PDE4A: variants seen among roughly 807,000 people sequenced by gnomAD.
PDE4A encodes 3',5'-cyclic-AMP phosphodiesterase 4A.
Under a neutral mutation model 73.9 loss-of-function variants are expected in PDE4A, and 21 were observed. That is an observed-to-expected ratio of 0.28 (90% CI 0.20 to 0.41). The LOEUF is 0.41. Ranked by LOEUF, PDE4A falls within the 10% of genes least tolerant of loss-of-function variation. The pLI, the probability that PDE4A is intolerant of heterozygous loss-of-function variation, is 1.00. For missense variants in PDE4A, 958 were observed against 1,211.4 expected (o/e 0.79, Z 3.10); for synonymous variants, 463 against 505.4 (o/e 0.92, Z 1.13).
chr19:10,449,104 C>T lies in PDE4A; in HGVS notation c.574C>T (p.Arg192Cys), dbSNP rs766408578. 7 of 1,613,682 alleles carry T rather than the reference C, an allele frequency of 4.3e-6. No homozygotes were observed. Among genetic ancestry groups the T allele is most frequent in the Middle Eastern group, 1.6e-4 (1 of 6,062 alleles). ...GGTGCTGGCCAGCCTCCGGAGCGTC[C>T]GTAGCAACTTCTCACTCCTGACCAA... Reference protein sequence around the residue: ...AQVLASLRSVRSNFSLLTNVP... With the variant: ...AQVLASLRSVCSNFSLLTNVP... The change falls in exon 4 of 15, where the codon CGT becomes TGT. Residue 192 changes from arginine to cysteine, a missense_variant. Coordinates refer to ENST00000380702, the MANE Select transcript of PDE4A (RefSeq NM_001111307.2).
intron 1 of PDE4A, among the ~76,000 whole-genome samples, chr19:10,436,486 C>T (rs1239771946): frequency 6.6e-6 from 1 of 151,888 alleles, no homozygotes; most frequent in Non-Finnish European, 1.5e-5. Flanking sequence ...ACCTGAGAGG[C>T]GGAGGTTGCA....
chr19:10,463,487 C>T (rs1421185056), intron 13 of PDE4A, among the ~76,000 whole-genome samples: 8 of 150,756 alleles, frequency 5.3e-5, no homozygotes, highest in Admixed American at 1.3e-4. Flanking sequence ...CGGCAACCTC[C>T]GCCTCCTGGG....
chr19:10,460,475 G>T (rs1202372951), intron 10 of PDE4A, among the ~76,000 whole-genome samples: 2 of 151,210 alleles, frequency 1.3e-5, no homozygotes, highest in Non-Finnish European at 2.9e-5. Context: ...CTCCAGCCTG[G>T]GCAACAAAGT....
chr19:10,460,150 TG>T (rs2043239397), intron 10 of PDE4A, among the ~76,000 whole-genome samples: 1 of 151,470 alleles, frequency 6.6e-6, no homozygotes, highest in East Asian at 2.0e-4. Context: ...CCCAAAGTGC[TG>T]GGAGTAGAGG....
intron 11 of PDE4A, 125 bp from the exon 12 acceptor site, chr19:10,461,401 C>T (rs1212930724): frequency 6.6e-7 from 1 of 1,506,382 alleles, no homozygotes; most frequent in Non-Finnish European, 8.8e-7. Flanking sequence ...TGGGGTAGAG[C>T]TGACTGGGCT....
chr19:10,467,155 A>G lies in PDE4A; in HGVS notation c.2195A>G (p.Glu732Gly), dbSNP rs62638759. Residue 732 changes from glutamate (E) to glycine (G), a missense_variant, in exon 15 of 15, where the codon GAG (glutamate) becomes GGG (glycine). Coordinates refer to ENST00000380702, the MANE Select transcript of PDE4A (RefSeq NM_001111307.2). ...GCCCAGATACCGTGCACAGCCCAAGAGGCATTGACTGCGCAGGGATTGTCA... is the reference window on the plus strand; with the variant it reads ...GCCCAGATACCGTGCACAGCCCAAGGGGCATTGACTGCGCAGGGATTGTCA... The part of the protein sequence containing the change: ...SMAQIPCTAQ[E>G]ALTAQGLSGV... 1.0e-3 allele frequency: 1,641 copies of G among 1,614,156 alleles called. 17 individuals carry two copies. In the African/African-American group the frequency reaches 0.019, roughly 19 times the overall value.
chr19:10,438,327 G>A (rs1483442725), intron 1 of PDE4A, among the ~76,000 whole-genome samples: 1 of 150,972 alleles, frequency 6.6e-6, no homozygotes, highest in Non-Finnish European at 1.5e-5. Flanking sequence ...TGGCCGGGAT[G>A]GTCTCGCTCT....
At chr19:10,426,501 C>T (rs1223344727) in intron 1 of PDE4A, among the ~76,000 whole-genome samples, 1 of 152,052 alleles carries the variant, frequency 6.6e-6, no homozygotes, top group Non-Finnish European at 1.5e-5. Flanking sequence ...CCAGGGATGC[C>T]AAAAGATTGC....
intron 13 of PDE4A, 121 bp downstream of exon 13, chr19:10,462,120 CTTCT>C (rs2043283171): frequency 3.9e-6 from 3 of 767,042 alleles, no homozygotes; most frequent in African/African-American, 1.8e-5. Context: ...TTCCTGTGTC[CTTCT>C]TTCTTTTTTT....
At chr19:10,462,062 G>C (rs1486844151) in intron 13 of PDE4A, 63 bp downstream of exon 13, 2 of 1,389,882 alleles carry the variant, frequency 1.4e-6, no homozygotes, top group Non-Finnish European at 2.0e-6. Context: ...TTTAGGTCTG[G>C]GTAGCTAACT....
At chr19:10,427,684 A>G in intron 1 of PDE4A, 1 of 970,560 alleles carries the variant, frequency 1.0e-6, no homozygotes, top group Non-Finnish European at 1.2e-6. Context: ...ATCTTTCTAG[A>G]TTGGGAGACC....
In PDE4A at chr19:10,458,028, CA is replaced by C; in HGVS notation, c.1028del (p.His343LeufsTer5). 6.2e-7 allele frequency: 1 copy of C among 1,613,906 alleles called. No homozygotes were observed. The highest frequency in any genetic ancestry group is 8.5e-7 in the Non-Finnish European group (1 of 1,180,046). On this transcript the variant is annotated frameshift_variant, in exon 8 of 15. Transcript: ENST00000380702. LOFTEE classifies it high-confidence loss of function. The surrounding 1 kb of genome is among the most constrained non-coding windows in gnomAD (Gnocchi z 4.6). ...SQITGLKKLM[H>X]SNSLNNSNIP... ...AATCACAGGGTTGAAAAAGTTGATG[CA>C]TAGTAACAGCCTGAACAACTCTAAC...
At chr19:10,455,021 A>G (rs572609163) in intron 7 of PDE4A, 99 bp downstream of exon 7, 1 of 1,132,250 alleles carries the variant, frequency 8.8e-7, no homozygotes, top group South Asian at 1.3e-5. Flanking sequence ...CTTCCCAGGG[A>G]CTCTGACTCT....
chr19:10,460,271 G>A (rs1455898818), intron 10 of PDE4A, among the ~76,000 whole-genome samples: 1 of 151,986 alleles, frequency 6.6e-6, no homozygotes, highest in Non-Finnish European at 1.5e-5. Flanking sequence ...GGCCAAGATG[G>A]GTGGATCACC....
At chr19:10,419,118 A>T (rs2569784), upstream of PDE4A, 1 of 961,006 alleles carries the variant, frequency 1.0e-6, no homozygotes, top group African/African-American at 2.0e-5. Flanking sequence ...GGCGGTGGCA[A>T]ACGGCATCGC....
At chr19:10,429,302 G>GAA (rs1271163789) in intron 1 of PDE4A, among the ~76,000 whole-genome samples, 5 of 151,604 alleles carry the variant, frequency 3.3e-5, no homozygotes, top group Non-Finnish European at 5.9e-5. Flanking sequence ...AAGAAAGAAA[G>GAA]AGAGGAAGGA....
At position 10,458,078 on chromosome 19, in the gene PDE4A, C is replaced by A; in HGVS notation, c.1077C>A (p.Thr359=). 6.2e-7 allele frequency: 1 copy of A among 1,613,718 alleles called. No individual in the cohort carries two copies. Among genetic ancestry groups the A allele is most frequent in the African/African-American group, 1.3e-5 (1 of 75,026 alleles). Residue 359 remains threonine (T), a synonymous_variant, in exon 8 of 15, where the codon ACC becomes ACA. Coordinates refer to ENST00000380702, the MANE Select transcript of PDE4A (RefSeq NM_001111307.2). This position sits in a 1 kb window ranked among gnomAD's most constrained non-coding sequence, Gnocchi z 4.6. ...ACATTCCCCGATTTGGGGTGAAGAC[C>A]GATCAAGAAGAGCTCCTGGCCCAAG... ...NSNIPRFGVK[T]DQEELLAQEL...
At chr19:10,443,481 G>A (rs925171800) in intron 1 of PDE4A, among the ~76,000 whole-genome samples, 28 of 150,144 alleles carry the variant, frequency 1.9e-4, no homozygotes, top group Non-Finnish European at 3.5e-4. Context: ...GGAGGTGGAG[G>A]TTGCATTGAG....
At chr19:10,418,967 G>T (rs964498421), upstream of PDE4A, 6 of 985,138 alleles carry the variant, frequency 6.1e-6, no homozygotes, top group African/African-American at 1.0e-4. Flanking sequence ...GCTGCTGATG[G>T]GGGGGCCGGT....
Sources: allele counts gnomAD v4.1 joint callset (sites outside exome capture counted in the v4.1 genomes callset), GRCh38; gene constraint gnomAD v4.1.1; non-coding constraint Gnocchi (gnomAD v3.1); transcripts MANE v1.5; gene names NCBI Gene and HGNC (gene_info 2026-07-23, HGNC 2026-07-21).